The following CSNK1G1 variants were observed in gnomAD, a reference collection of about 807,000 sequenced individuals.
CSNK1G1 encodes casein kinase I isoform gamma-1.
A neutral mutation model predicts 59.6 loss-of-function variants in CSNK1G1; 22 were observed. The observed-to-expected ratio is 0.37, with a 90% CI of 0.26 to 0.53. The LOEUF is 0.53. Among genes scored for constraint, CSNK1G1 ranks in the 20% least tolerant of loss-of-function variants. The pLI, the probability that CSNK1G1 is intolerant of heterozygous loss-of-function variation, is 0.89. For synonymous variants in CSNK1G1, 179 were observed against 177.1 expected, an observed-to-expected ratio of 1.01 and a Z score of -0.08; for missense variants, 384 against 519.5, an observed-to-expected ratio of 0.74 and a Z score of 2.54.
At chr15:64,239,984 A>G (rs555192708) in intron 4 of CSNK1G1, among the ~76,000 whole-genome samples, 125 of 152,350 alleles carry the variant, frequency 8.2e-4, no homozygotes, top group African/African-American at 2.9e-3. Context: ...CTGTAATCCT[A>G]GCACTCTGGG....
Position 64,199,250 on chromosome 15 carries a change from CAAAAAAAAAAAAA to C in CSNK1G1, c.1107+3819_1107+3831del, listed in dbSNP as rs56819260. On this transcript the variant is annotated intron_variant, in intron 10 of 11. Transcript: ENST00000303052. ...TGGGCAACAGAGTGAAATCTTTTCT[CAAAAAAAAAAAAA>C]AAAAAAAAAGAAAAAGAAAAGAAAA... Among the ~76,000 whole-genome samples the C allele has an allele frequency of 3.2e-3, 165 of 52,346 alleles. No individual in the cohort carries two copies. In the South Asian group the frequency reaches 0.057, roughly 18 times the overall value. 34.3% of individuals were successfully genotyped at this position (52,346 alleles called of 152,430 possible). A position where few individuals can be genotyped will look rare whatever the true frequency, so the allele number is the denominator to read the frequency against.
intron 1 of CSNK1G1, among the ~76,000 whole-genome samples, chr15:64,348,118 G>T (rs937103001): frequency 6.6e-6 from 1 of 152,080 alleles, no homozygotes; most frequent in Non-Finnish European, 1.5e-5. Context: ...TTTGGAAAAG[G>T]CAATACTATA....
intron 2 of CSNK1G1, among the ~76,000 whole-genome samples, chr15:64,273,066 T>G (rs1346428850): frequency 1.3e-5 from 2 of 152,234 alleles, no homozygotes; most frequent in African/African-American, 2.4e-5. Flanking sequence ...TGGTTTCACT[T>G]AAAATCACAG....
chr15:64,169,003 A>G lies in CSNK1G1; in HGVS notation c.*2928T>C, dbSNP rs2081634119. 6.6e-6 allele frequency: 1 copy of G among 152,628 alleles called. No homozygotes were observed. The highest frequency in any genetic ancestry group is 6.5e-5 in the Admixed American group (1 of 15,280). 9.5% of individuals were successfully genotyped at this position (152,628 alleles called of 1,614,324 possible). ...AAGAGATTTGTGAGGTTGGAAGGTG[A>G]GAACAGTGTCTTAGGAAGTACAGTC... On this transcript the variant is annotated 3_prime_UTR_variant, in exon 12 of 12. Transcript: ENST00000303052.
At position 64,213,982 on chromosome 15, in the gene CSNK1G1, T is replaced by C. The variant is rs1233379310; in HGVS notation, c.587A>G (p.Asp196Gly). 26 of 1,613,976 alleles carry C rather than the reference T, an allele frequency of 1.6e-5. No homozygotes were observed. The highest frequency in any genetic ancestry group is 2.0e-5 in the Non-Finnish European group (24 of 1,179,984). Residue 196 changes from aspartate (D) to glycine (G), a missense_variant, in exon 6 of 12, where the codon GAC (aspartate) becomes GGC (glycine). Coordinates refer to ENST00000303052, the MANE Select transcript of CSNK1G1 (RefSeq NM_022048.5). The stretch of plus-strand genomic sequence containing the variant: ...AGGTATGTGTTTTTTGGTTTCGGGG[T>C]CAATGTATTCCTTGGCCAGTCCAAA... The part of the protein sequence containing the change: ...IDFGLAKEYI[D>G]PETKKHIPYR...
chr15:64,352,447 C>CTTTTTTTTTT (rs1165768581), intron 1 of CSNK1G1, among the ~76,000 whole-genome samples: 19 of 89,428 alleles, frequency 2.1e-4, no homozygotes, highest in African/African-American at 6.6e-4. Context: ...TTGAATTCTT[C>CTTTTTTTTTT]TTTTTTTTTT....
chr15:64,271,508 T>C (rs554640567), intron 2 of CSNK1G1, among the ~76,000 whole-genome samples: 24 of 152,174 alleles, frequency 1.6e-4, no homozygotes, highest in African/African-American at 5.8e-4. Context: ...AGGCTGGTCT[T>C]GAACTCCCGA....
At position 64,213,929 on chromosome 15, in the gene CSNK1G1, T is replaced by C; in HGVS notation, c.640A>G (p.Thr214Ala). 6.2e-7 allele frequency: 1 copy of C among 1,614,188 alleles called. No individual in the cohort carries two copies. Among genetic ancestry groups the C allele is most frequent in the Non-Finnish European group, 8.5e-7 (1 of 1,179,998 alleles). The part of the protein sequence containing the change: ...PYREHKSLTG[T>A]ARYMSINTHL... ...GTGTTGATAGACATATATCTTGCAG[T>C]TCCAGTTAAACTTTTGTGTTCCCTA... Residue 214 changes from threonine (T) to alanine (A), a missense_variant, in exon 6 of 12, where the codon ACT (threonine) becomes GCT (alanine). By Grantham distance (58) the Thr-to-Ala change is moderately conservative (BLOSUM62 0). Transcript: ENST00000303052.
At chr15:64,206,586 CAAAAAAAAAAAAAAAA>C (rs36192246) in intron 7 of CSNK1G1, among the ~76,000 whole-genome samples, 6 of 49,672 alleles carry the variant, frequency 1.2e-4, no homozygotes, top group East Asian at 7.7e-4. Context: ...AACTCTGTCT[CAAAAAAAAAAAAAAAA>C]AAAAAAAAAA....
At chr15:64,323,346 T>A (rs1303413793) in intron 1 of CSNK1G1, among the ~76,000 whole-genome samples, 1 of 152,070 alleles carries the variant, frequency 6.6e-6, no homozygotes, top group Admixed American at 6.6e-5. Flanking sequence ...TCTCAAAAAA[T>A]TATTTAATTA....
intron 10 of CSNK1G1, among the ~76,000 whole-genome samples, chr15:64,185,711 A>G (rs1435195355): frequency 6.6e-6 from 1 of 151,910 alleles, no homozygotes; most frequent in Non-Finnish European, 1.5e-5. Flanking sequence ...TAAATATCCA[A>G]AAATTAGCTG....
intron 2 of CSNK1G1, among the ~76,000 whole-genome samples, chr15:64,267,554 G>A (rs1893056645): frequency 6.6e-6 from 1 of 152,030 alleles, no homozygotes; most frequent in Admixed American, 6.6e-5. Context: ...GCAGATACAT[G>A]ACAAAATGTT....
intron 2 of CSNK1G1, chr15:64,265,749 C>G (rs1329372827): frequency 2.2e-6 from 1 of 449,730 alleles, no homozygotes; most frequent in East Asian, 7.1e-5. Flanking sequence ...ACAAAAGAAA[C>G]TGAAGAACAC....
chr15:64,278,964 T>A (rs1893968766), intron 2 of CSNK1G1, among the ~76,000 whole-genome samples: 3 of 152,364 alleles, frequency 2.0e-5, no homozygotes, highest in African/African-American at 7.2e-5. Context: ...GTCTGGCACA[T>A]AATTTTCAGC....
chr15:64,280,164 AC>A (rs1894047067), intron 2 of CSNK1G1, among the ~76,000 whole-genome samples: 1 of 152,112 alleles, frequency 6.6e-6, no homozygotes, highest in Non-Finnish European at 1.5e-5. Flanking sequence ...ATACGCGCGC[AC>A]ACACACACAT....
At chr15:64,275,799 A>G (rs1326051619) in intron 2 of CSNK1G1, among the ~76,000 whole-genome samples, 3 of 152,234 alleles carry the variant, frequency 2.0e-5, no homozygotes, top group Non-Finnish European at 2.9e-5. Context: ...ATACTCAGTA[A>G]GGATAAAATA....
rs143216625 is a variant in CSNK1G1 at position 64,296,159 on chromosome 15, C to T, written c.181+4160G>A. Reference sequence around the variant, plus strand: ...TGTTTGAGACACGGTCTCACTCTGTCGCCCAGGCTGGAGTGCAGTGATGTG... The same window carrying T: ...TGTTTGAGACACGGTCTCACTCTGTTGCCCAGGCTGGAGTGCAGTGATGTG... On this transcript the variant is annotated intron_variant, in intron 2 of 11. Coordinates refer to ENST00000303052, the MANE Select transcript of CSNK1G1 (RefSeq NM_022048.5). 3.0e-3 allele frequency among the ~76,000 whole-genome samples: 463 copies of T among 152,274 alleles called. 1 individual carries two copies. Among genetic ancestry groups the T allele is most frequent in the African/African-American group, 0.011 (446 of 41,550 alleles).
chr15:64,185,740 T>A (rs1195074973), intron 10 of CSNK1G1, among the ~76,000 whole-genome samples: 6 of 151,768 alleles, frequency 4.0e-5, no homozygotes, highest in African/African-American at 1.5e-4. Flanking sequence ...GGCACGTGCC[T>A]GTAATCCCAG....
In CSNK1G1 at chr15:64,298,549, A is replaced by G. The variant is rs931399025; in HGVS notation, c.181+1770T>C. On this transcript the variant is annotated intron_variant, in intron 2 of 11. Transcript: ENST00000303052. ...AACCCGAACACAATTCTAAATATAA[A>G]GATCCTTTCATTATCCTAATTAAGT... Among the ~76,000 whole-genome samples the G allele has an allele frequency of 2.0e-5, 3 of 152,342 alleles. No homozygotes were observed. The East Asian group carries it at 5.8e-4, about 29-fold the overall frequency.
Sources: allele counts gnomAD v4.1 joint callset (sites outside exome capture counted in the v4.1 genomes callset), GRCh38; gene constraint gnomAD v4.1.1; transcripts MANE v1.5; gene names NCBI Gene and HGNC (gene_info 2026-07-23, HGNC 2026-07-21).